Variants in ATG13 observed in about 807,000 individuals in gnomAD.
ATG13 encodes autophagy-related protein 13.
Under a neutral mutation model 65.5 loss-of-function variants are expected in ATG13, and 23 were observed. The ratio of observed to expected loss-of-function variants is 0.35; its 90% CI spans 0.25 to 0.50. The LOEUF is 0.50. Among genes scored for constraint, ATG13 ranks in the 20% least tolerant of loss-of-function variants. ATG13 has a pLI of 0.98. For missense variants in ATG13, 566 were observed against 677.0 expected, an observed-to-expected ratio of 0.84 and a Z score of 1.82; for synonymous variants, 252 against 245.2, an observed-to-expected ratio of 1.03 and a Z score of -0.26.
At chr11:46,645,843 C>G (rs1326600407) in intron 4 of ATG13, 27 bp from the exon 5 acceptor site, 1 of 1,613,558 alleles carries the variant, frequency 6.2e-7, no homozygotes. Flanking sequence ...GTGAGTGTTT[C>G]ATGCAAAAGT....
At chr11:46,648,798 AAGAG>A (rs957816710) in intron 5 of ATG13, 63 of 158,988 alleles carry the variant, frequency 4.0e-4, no homozygotes, top group South Asian at 5.7e-4. Flanking sequence ...AAAAAAAAAA[AAGAG>A]AGAGAGAGAA....
In ATG13 at chr11:46,664,041, T is replaced by C. The variant is rs370896560; in HGVS notation, c.834T>C (p.Pro278=). The C allele has an allele frequency of 9.7e-4, 1,544 of 1,595,478 alleles. 16 individuals carry two copies. The South Asian group carries it at 9.8e-3, about 10-fold the overall frequency. ...AGGCACATTTTCAGACCCCTACTCC[T>C]GTGGTGACGGACACCCTGAGGGTCC... ...VTKAHFQTPT[P]VVTDTLRVPM... The change falls in exon 12 of 19, where the codon CCT becomes CCC. Residue 278 remains proline, a synonymous_variant. Transcript: ENST00000683050.
intron 1 of ATG13, among the ~76,000 whole-genome samples, chr11:46,623,023 C>T (rs1404459146): frequency 3.3e-5 from 5 of 152,022 alleles, no homozygotes; most frequent in Non-Finnish European, 1.5e-5. Flanking sequence ...GGCCGGGTGC[C>T]GTGGCTCATG....
chr11:46,666,793 C>T (rs575173113), intron 14 of ATG13, among the ~76,000 whole-genome samples: 2 of 152,206 alleles, frequency 1.3e-5, no homozygotes, highest in Middle Eastern at 3.4e-3. Flanking sequence ...ATTTTGAAGG[C>T]CCCAGAGATA....
chr11:46,668,616 C>T (rs757790122), intron 16 of ATG13, 40 bp downstream of exon 16: 18 of 1,588,488 alleles, frequency 1.1e-5, no homozygotes, highest in Admixed American at 8.3e-5. Flanking sequence ...GTAGATGGTG[C>T]GCTAGTCATT....
At chr11:46,649,245 G>C (rs548075058) in intron 6 of ATG13, 62 bp downstream of exon 6, 22 of 1,549,326 alleles carry the variant, frequency 1.4e-5, no homozygotes, top group Non-Finnish European at 1.8e-5. Context: ...ATGACATCAT[G>C]TGAAAAGCAG....
chr11:46,625,242 A>G (rs1297927686), intron 1 of ATG13: 1 of 148,898 alleles, frequency 6.7e-6, no homozygotes, highest in Non-Finnish European at 1.5e-5. Flanking sequence ...TTTTTTCCTA[A>G]GGTACTTTTG....
intron 18 of ATG13, among the ~76,000 whole-genome samples, chr11:46,671,237 C>T (rs985371064): frequency 3.3e-5 from 5 of 152,192 alleles, no homozygotes; most frequent in African/African-American, 4.8e-5. Flanking sequence ...CCCTTGTGGT[C>T]GTGTTTAAAC....
chr11:46,629,133 G>A (rs920692662), intron 1 of ATG13, among the ~76,000 whole-genome samples: 1 of 151,682 alleles, frequency 6.6e-6, no homozygotes, highest in Non-Finnish European at 1.5e-5. Context: ...AGTAGAGGTG[G>A]GGTTTCACCA....
At chr11:46,637,555 G>C (rs984381506) in intron 2 of ATG13, among the ~76,000 whole-genome samples, 1 of 151,980 alleles carries the variant, frequency 6.6e-6, no homozygotes, top group Middle Eastern at 3.2e-3. Flanking sequence ...GTATTTTTTT[G>C]GTAGAGACAG....
chr11:46,671,635 C>T (rs539465118), intron 18 of ATG13, among the ~76,000 whole-genome samples: 1 of 152,258 alleles, frequency 6.6e-6, no homozygotes, highest in South Asian at 2.1e-4. Context: ...TCAAGCTACT[C>T]AGGAGGCTGA....
rs2045784622 is a variant in ATG13 at position 46,617,870 on chromosome 11, C to T, written c.-90C>T. The T allele has an allele frequency of 2.5e-6, 1 of 399,032 alleles. No homozygotes were observed. The highest frequency in any genetic ancestry group is 4.4e-6 in the Non-Finnish European group (1 of 226,142). The allele number at this position is 399,032 out of a possible 1,614,324, so 24.7% of individuals were successfully genotyped here. The stretch of plus-strand genomic sequence containing the variant: ...TCCGTAATGAGAGCCCGGAACCACT[C>T]TTTGTGCCGCAGCTTCGCAGGTACT... On this transcript the variant is annotated 5_prime_UTR_variant, in exon 1 of 19. Transcript: ENST00000683050.
intron 15 of ATG13, 124 bp downstream of exon 15, chr11:46,668,011 A>G: frequency 4.2e-6 from 3 of 717,880 alleles, no homozygotes; most frequent in Non-Finnish European, 6.8e-6. Flanking sequence ...GCAAAACTGT[A>G]TGTGTGTGTA....
At chr11:46,659,337 T>C (rs1375148410) in intron 10 of ATG13, 55 bp from the exon 11 acceptor site, 1 of 1,414,926 alleles carries the variant, frequency 7.1e-7, no homozygotes, top group Non-Finnish European at 1.0e-6. Flanking sequence ...TTATAGCCTT[T>C]CTGAAATTGA....
At chr11:46,639,612 A>G (rs1248340714) in intron 2 of ATG13, among the ~76,000 whole-genome samples, 3 of 152,172 alleles carry the variant, frequency 2.0e-5, no homozygotes, top group African/African-American at 7.2e-5. Context: ...TAGGGTTGCC[A>G]AAACAGGAAA....
At chr11:46,635,775 A>G (rs985680496) in intron 2 of ATG13, among the ~76,000 whole-genome samples, 1 of 152,162 alleles carries the variant, frequency 6.6e-6, no homozygotes, top group East Asian at 1.9e-4. Context: ...TTTTTGGCTC[A>G]ATAACTGTAG....
At position 46,673,194 on chromosome 11, in the gene ATG13, T is replaced by G. The variant is rs915548374; in HGVS notation, c.*862T>G. On this transcript the variant is annotated 3_prime_UTR_variant, in exon 19 of 19. Transcript: ENST00000683050. ...TGTTTGAGGTGAGTTGTTTTTCACT[T>G]GGAGAAGGCGGAGGGCTCTTCCTGG... 6.5e-6 allele frequency: 1 copy of G among 154,724 alleles called. No homozygotes were observed. The highest frequency in any genetic ancestry group is 1.4e-5 in the Non-Finnish European group (1 of 69,494). 9.6% of individuals were successfully genotyped at this position (154,724 alleles called of 1,614,324 possible).
intron 1 of ATG13, among the ~76,000 whole-genome samples, chr11:46,622,162 G>GAA (rs2047937538): frequency 7.1e-6 from 1 of 140,176 alleles, no homozygotes; most frequent in African/African-American, 2.6e-5. Flanking sequence ...CTGTTTCCCA[G>GAA]ACTGGAGTGC....
At chr11:46,626,790 A>G (rs913200777) in intron 1 of ATG13, among the ~76,000 whole-genome samples, 2 of 152,186 alleles carry the variant, frequency 1.3e-5, no homozygotes, top group African/African-American at 4.8e-5. Flanking sequence ...TGCTATTCTT[A>G]CATTTATTTA....
Sources: gnomAD v4.1 joint callset for allele counts (sites outside exome capture counted in the v4.1 genomes callset) on GRCh38, gnomAD v4.1.1 for gene constraint, MANE v1.5 for transcripts, NCBI Gene and HGNC (gene_info 2026-07-23, HGNC 2026-07-21) for gene names.